UNC5C: variants seen among roughly 807,000 people sequenced by gnomAD.
The protein encoded by UNC5C is unc-5 netrin receptor C.
Under a neutral mutation model 99.8 loss-of-function variants are expected in UNC5C, and 47 were observed. The observed-to-expected ratio is 0.47, with a 90% CI of 0.37 to 0.60. UNC5C has a LOEUF of 0.60. Among genes scored for constraint, UNC5C ranks in the 20% least tolerant of loss-of-function variants. The pLI is 0.00. For missense variants in UNC5C, 1,062 were observed against 1,165.9 expected, an observed-to-expected ratio of 0.91 and a Z score of 1.30; for synonymous variants, 487 against 452.2, an observed-to-expected ratio of 1.08 and a Z score of -0.98.
chr4:95,378,542 T>C (rs1744963858), intron 1 of UNC5C, among the ~76,000 whole-genome samples: 1 of 152,132 alleles, frequency 6.6e-6, no homozygotes, highest in Non-Finnish European at 1.5e-5. Flanking sequence ...AGTAATAGCT[T>C]TTGATGGATC....
chr4:95,501,431 G>A (rs1159901105), intron 1 of UNC5C, among the ~76,000 whole-genome samples: 1 of 151,982 alleles, frequency 6.6e-6, no homozygotes, highest in Non-Finnish European at 1.5e-5. Flanking sequence ...TTTTAAGGAG[G>A]CTAACAATGT....
intron 1 of UNC5C, among the ~76,000 whole-genome samples, chr4:95,347,346 T>C (rs1313155461): frequency 1.3e-5 from 2 of 151,870 alleles, no homozygotes; most frequent in African/African-American, 4.8e-5. Context: ...CAAAGCAATC[T>C]AGATTCAATG....
intron 1 of UNC5C, among the ~76,000 whole-genome samples, chr4:95,522,776 A>T (rs1477000965): frequency 6.6e-6 from 1 of 152,102 alleles, no homozygotes; most frequent in Non-Finnish European, 1.5e-5. Flanking sequence ...TTCTCCTAAT[A>T]GTGAGTTTTT....
chr4:95,367,147 A>G (rs1457582019), intron 1 of UNC5C, among the ~76,000 whole-genome samples: 2 of 151,798 alleles, frequency 1.3e-5, no homozygotes, highest in African/African-American at 2.4e-5. Flanking sequence ...GCTCACTGGT[A>G]CGTCAGACCT....
intron 1 of UNC5C, among the ~76,000 whole-genome samples, chr4:95,407,982 G>C (rs536183184): frequency 6.6e-6 from 1 of 152,202 alleles, no homozygotes; most frequent in East Asian, 1.9e-4. Flanking sequence ...AAAAGTAAGT[G>C]GGTTGCTCAG....
At chr4:95,524,471 A>T (rs895299355) in intron 1 of UNC5C, among the ~76,000 whole-genome samples, 1 of 152,208 alleles carries the variant, frequency 6.6e-6, no homozygotes, top group Non-Finnish European at 1.5e-5. Context: ...ATCCACCTGC[A>T]TGCATGTTCT....
chr4:95,185,194 T>A lies in UNC5C; in HGVS notation c.2139A>T (p.Glu713Asp), dbSNP rs1243737398. ...CLDDTQDALKEILHLERQMGG... is the reference protein window; with the variant it reads ...CLDDTQDALKDILHLERQMGG... ...CCATCTGTCTCTCAAGATGTAAAAT[T>A]TCCTATAATGACATGCCCCAAACCC... The change falls in exon 13 of 16, where the codon GAA becomes GAT. Residue 713 changes from glutamate to aspartate, a missense_variant and splice_region_variant. This residue lies in a region of UNC5C where 810 missense variants were observed against 854.5 expected (regional missense o/e 0.95). Transcript: ENST00000453304. The A allele has an allele frequency of 6.2e-7, 1 of 1,605,706 alleles. No homozygotes were observed. Among genetic ancestry groups the A allele is most frequent in the African/African-American group, 1.3e-5 (1 of 74,388 alleles).
intron 12 of UNC5C, among the ~76,000 whole-genome samples, chr4:95,192,534 C>T (rs532480911): frequency 1.6e-4 from 23 of 146,096 alleles, no homozygotes; most frequent in Non-Finnish European, 3.3e-4. Context: ...CCCTGCTCAT[C>T]TTCCTCTCCT....
At chr4:95,246,645 T>A (rs756440924) in intron 5 of UNC5C, among the ~76,000 whole-genome samples, 5 of 151,740 alleles carry the variant, frequency 3.3e-5, no homozygotes, top group Non-Finnish European at 7.4e-5. Context: ...TGTATATGTA[T>A]ATAATTTTAT....
intron 12 of UNC5C, among the ~76,000 whole-genome samples, chr4:95,187,612 C>T (rs1736887271): frequency 6.6e-6 from 1 of 152,102 alleles, no homozygotes; most frequent in South Asian, 2.1e-4. Context: ...GGGAGTCAGC[C>T]CAAGAATCAG....
chr4:95,536,469 G>C (rs779011269), intron 1 of UNC5C, among the ~76,000 whole-genome samples: 15 of 152,152 alleles, frequency 9.9e-5, no homozygotes, highest in Admixed American at 2.0e-4. Flanking sequence ...AACAGTGCAG[G>C]GTAATTTTTT....
At chr4:95,473,015 T>C (rs1391944258) in intron 1 of UNC5C, among the ~76,000 whole-genome samples, 1 of 152,078 alleles carries the variant, frequency 6.6e-6, no homozygotes, top group Non-Finnish European at 1.5e-5. Context: ...AATTAGTTAA[T>C]AATGAAACTG....
At chr4:95,503,863 T>C (rs1016142200) in intron 1 of UNC5C, among the ~76,000 whole-genome samples, 6 of 152,140 alleles carry the variant, frequency 3.9e-5, no homozygotes, top group Non-Finnish European at 8.8e-5. Flanking sequence ...TTCACTTATA[T>C]TCAGTGAAAA....
intron 3 of UNC5C, among the ~76,000 whole-genome samples, chr4:95,288,626 C>CAGCAGGG (rs1194901066): frequency 6.6e-6 from 1 of 152,222 alleles, no homozygotes; most frequent in African/African-American, 2.4e-5. Context: ...ATCAAAGGGA[C>CAGCAGGG]AGCAGGATTA....
chr4:95,523,122 C>T (rs937782195), intron 1 of UNC5C, among the ~76,000 whole-genome samples: 1 of 152,106 alleles, frequency 6.6e-6, no homozygotes, highest in Non-Finnish European at 1.5e-5. Context: ...AGAGGAGGGG[C>T]TGAGCAAGAA....
intron 1 of UNC5C, among the ~76,000 whole-genome samples, chr4:95,337,039 A>T (rs1743377936): frequency 6.6e-6 from 1 of 151,974 alleles, no homozygotes; most frequent in African/African-American, 2.4e-5. Context: ...AACTATTGAC[A>T]AATCCATCAG....
chr4:95,285,856 A>G lies in UNC5C; in HGVS notation c.491-7494T>C, dbSNP rs17354077. On this transcript the variant is annotated intron_variant, in intron 3 of 15. Transcript: ENST00000453304. ...GGATCATGATATCAACCTATTTTTT[A>G]TTGTAAGTCAAAAAGGTCTGAAAAC... 5.5e-3 allele frequency among the ~76,000 whole-genome samples: 839 copies of G among 152,214 alleles called. 6 individuals carry two copies. Among genetic ancestry groups the G allele is most frequent in the Non-Finnish European group, 0.01 (680 of 67,998 alleles).
rs1738009732 is a variant in UNC5C at position 95,209,677 on chromosome 4, G to A, written c.1734-2881C>T. 2.0e-5 allele frequency among the ~76,000 whole-genome samples: 3 copies of A among 152,074 alleles called. No homozygotes were observed. In the East Asian group the frequency reaches 5.8e-4, roughly 29 times the overall value. On this transcript the variant is annotated intron_variant, in intron 10 of 15. Coordinates refer to ENST00000453304, the MANE Select transcript of UNC5C (RefSeq NM_003728.4). Reference sequence around the variant, plus strand: ...TCATTACTATCCCCATTACCACCTTGGTTTTCATTTTCTCTTAACCCAATT... The same window carrying A: ...TCATTACTATCCCCATTACCACCTTAGTTTTCATTTTCTCTTAACCCAATT...
chr4:95,463,413 G>A (rs924540969), intron 1 of UNC5C, among the ~76,000 whole-genome samples: 2 of 152,088 alleles, frequency 1.3e-5, no homozygotes, highest in South Asian at 4.1e-4. Flanking sequence ...CATGAATGGT[G>A]AACACTGAAC....
Sources: gnomAD v4.1 joint callset for allele counts (sites outside exome capture counted in the v4.1 genomes callset) on GRCh38, gnomAD v4.1.1 for gene constraint, gnomAD v4.1.1 regional missense constraint, MANE v1.5 for transcripts, NCBI Gene and HGNC (gene_info 2026-07-23, HGNC 2026-07-21) for gene names.